PACS1: variants seen among roughly 807,000 people sequenced by gnomAD.
PACS1 encodes PACS-1.
Under a neutral mutation model 115.0 loss-of-function variants are expected in PACS1, and 24 were observed. That is an observed-to-expected ratio of 0.21 (90% CI 0.15 to 0.29). The LOEUF is 0.29. PACS1 is among the 10% of genes least tolerant of loss of function. PACS1 has a pLI of 1.00. For synonymous variants in PACS1, 453 were observed against 504.5 expected, an observed-to-expected ratio of 0.90 and a Z score of 1.37; for missense variants, 838 against 1,251.2, an observed-to-expected ratio of 0.67 and a Z score of 4.98.
At chr11:66,138,604 T>C (rs965643906) in intron 1 of PACS1, among the ~76,000 whole-genome samples, 4 of 152,166 alleles carry the variant, frequency 2.6e-5, no homozygotes, top group Non-Finnish European at 5.9e-5. Context: ...AGCCCTGATA[T>C]TGTGTTTCTT....
chr11:66,225,508 ATAT>A (rs1237940882), intron 10 of PACS1, among the ~76,000 whole-genome samples: 3 of 152,252 alleles, frequency 2.0e-5, no homozygotes, highest in Non-Finnish European at 4.4e-5. Context: ...CAAGTTAAAG[ATAT>A]TATCAGGAGA....
At chr11:66,185,266 T>G (rs1045071604) in intron 1 of PACS1, among the ~76,000 whole-genome samples, 4 of 152,230 alleles carry the variant, frequency 2.6e-5, no homozygotes, top group Non-Finnish European at 5.9e-5. Context: ...CTGTTACTAA[T>G]ATATTTTCAG....
chr11:66,138,084 G>GTTTATTTATTTATTTATTTA (rs56348908), intron 1 of PACS1, among the ~76,000 whole-genome samples: 42 of 149,404 alleles, frequency 2.8e-4, no homozygotes, highest in African/African-American at 9.9e-4. Context: ...ATTTTGCCCC[G>GTTTATTTATTTATTTATTTA]TTTATTTATT....
At chr11:66,084,452 A>G (rs1384716713) in intron 1 of PACS1, among the ~76,000 whole-genome samples, 1 of 152,154 alleles carries the variant, frequency 6.6e-6, no homozygotes, top group African/African-American at 2.4e-5. Context: ...CTTTTGAGCC[A>G]GCGAGGAGGC....
intron 1 of PACS1, among the ~76,000 whole-genome samples, chr11:66,176,858 C>T (rs1329043278): frequency 6.6e-6 from 1 of 152,160 alleles, no homozygotes; most frequent in African/African-American, 2.4e-5. Context: ...TCTGTGAAGC[C>T]TCCTCTTACT....
intron 1 of PACS1, among the ~76,000 whole-genome samples, chr11:66,188,442 G>A (rs138505779): frequency 1.3e-5 from 2 of 152,076 alleles, no homozygotes; most frequent in South Asian, 2.1e-4. Flanking sequence ...TGGTTTTCTC[G>A]AGTAACTGTA....
Position 66,144,848 on chromosome 11 carries a change from T to C in PACS1, c.357-48638T>C, listed in dbSNP as rs950420353. Among the ~76,000 whole-genome samples the C allele has an allele frequency of 1.2e-4, 18 of 152,212 alleles. 1 individual carries two copies. Among genetic ancestry groups the C allele is most frequent in the Admixed American group, 1.2e-3 (18 of 15,274 alleles). On this transcript the variant is annotated intron_variant, in intron 1 of 23. Coordinates refer to ENST00000320580, the MANE Select transcript of PACS1 (RefSeq NM_018026.4). ...TAGGGTTTCACCATGTTGGCCAGGC[T>C]GGTCTCGAACTCCTGACCTCAGGTG...
At chr11:66,150,891 C>CT (rs957858546) in intron 1 of PACS1, among the ~76,000 whole-genome samples, 4 of 152,128 alleles carry the variant, frequency 2.6e-5, no homozygotes, top group Admixed American at 2.6e-4. Context: ...AAGTTTGTGA[C>CT]TTTTTTGCCA....
Position 66,130,782 on chromosome 11 carries a change from A to G in PACS1, c.356+59940A>G, listed in dbSNP as rs1019733264. 4.6e-5 allele frequency among the ~76,000 whole-genome samples: 7 copies of G among 152,166 alleles called. No homozygotes were observed. In the South Asian group the frequency reaches 1.0e-3, roughly 23 times the overall value. ...ATTTGTTCTCCCTGTACCACAAACA[A>G]TGCTCTGTGGGTATAGTGGCTCACA... On this transcript the variant is annotated intron_variant, in intron 1 of 23. Transcript: ENST00000320580.
chr11:66,091,982 A>G (rs1021479049), intron 1 of PACS1, among the ~76,000 whole-genome samples: 6 of 152,240 alleles, frequency 3.9e-5, no homozygotes, highest in African/African-American at 1.4e-4. Flanking sequence ...CAATAAACAT[A>G]CGTGTGCATA....
chr11:66,152,341 A>G (rs930319595), intron 1 of PACS1, among the ~76,000 whole-genome samples: 1 of 152,222 alleles, frequency 6.6e-6, no homozygotes, highest in Non-Finnish European at 1.5e-5. Flanking sequence ...TGAAGAGAGG[A>G]GCAAAGATTG....
At chr11:66,167,943 C>A (rs1449438847) in intron 1 of PACS1, among the ~76,000 whole-genome samples, 2 of 150,354 alleles carry the variant, frequency 1.3e-5, no homozygotes, top group Non-Finnish European at 2.9e-5. Context: ...CACCTTGTTT[C>A]TTTTCTTCAG....
At chr11:66,126,197 A>C (rs1457350566) in intron 1 of PACS1, among the ~76,000 whole-genome samples, 2 of 152,164 alleles carry the variant, frequency 1.3e-5, no homozygotes, top group African/African-American at 4.8e-5. Flanking sequence ...TCATAGTTGT[A>C]TACAGTAATC....
At chr11:66,202,942 G>C (rs939096249) in intron 2 of PACS1, among the ~76,000 whole-genome samples, 50 of 151,560 alleles carry the variant, frequency 3.3e-4, no homozygotes, top group African/African-American at 1.2e-3. Flanking sequence ...TTTCCTTTAA[G>C]ATCTGGAACA....
rs141887045 is a variant in PACS1 at position 66,230,604 on chromosome 11, G to A, written c.1431G>A (p.Glu477=). 4.3e-6 allele frequency: 7 copies of A among 1,614,044 alleles called. No individual in the cohort carries two copies. In the African/African-American group the frequency reaches 6.7e-5, roughly 15 times the overall value. Reference sequence around the variant, plus strand: ...CCAGCACGAGTCTGGTTGTGCCGGAGAAAGTCAAAACTCCCATGAAGTCCA... The same window carrying A: ...CCAGCACGAGTCTGGTTGTGCCGGAAAAAGTCAAAACTCCCATGAAGTCCA... ...GDASTSLVVP[E]KVKTPMKSSK... is the part of the protein sequence containing the mutation. Residue 477 remains glutamate (E), a synonymous_variant, in exon 12 of 24, where the codon GAG becomes GAA. Transcript: ENST00000320580.
chr11:66,191,625 A>G (rs1406246532), intron 1 of PACS1, among the ~76,000 whole-genome samples: 3 of 152,250 alleles, frequency 2.0e-5, no homozygotes, highest in African/African-American at 7.2e-5. Flanking sequence ...GATATAGATG[A>G]AGAGACCTGA....
chr11:66,220,531 A>T, intron 8 of PACS1, 100 bp from the exon 9 acceptor site: 4 of 1,126,766 alleles, frequency 3.5e-6, no homozygotes, highest in Non-Finnish European at 3.9e-6. Context: ...CATGTCCCTT[A>T]AGCAGGACTA....
Position 66,216,236 on chromosome 11 carries a change from C to A in PACS1, c.778C>A (p.His260Asn). 2 of 1,614,082 alleles carry A rather than the reference C, an allele frequency of 1.2e-6. No individual in the cohort carries two copies. Residue 260 changes from histidine (H) to asparagine (N), a missense_variant, in exon 5 of 24, where the codon CAT (histidine) becomes AAT (asparagine). By Grantham distance (68) the His-to-Asn change is moderately conservative. Around this residue, in one of 6 missense-constraint regions of PACS1, gnomAD observed 223 missense variants for 354.0 expected, o/e 0.63. Coordinates refer to ENST00000320580, the MANE Select transcript of PACS1 (RefSeq NM_018026.4). The stretch of plus-strand genomic sequence containing the variant: ...CTCCCTGTCCAGCCAACCCATTGAC[C>A]ATGAAGGAATCAAATCCAAGCTTTC... Reference protein sequence around the residue: ...IYSLSSQPIDHEGIKSKLSDR... With the variant: ...IYSLSSQPIDNEGIKSKLSDR...
At chr11:66,153,335 C>G (rs1451326711) in intron 1 of PACS1, among the ~76,000 whole-genome samples, 1 of 152,158 alleles carries the variant, frequency 6.6e-6, no homozygotes. Context: ...TTATAACACT[C>G]TAGTGCTGGG....
Sources: allele counts gnomAD v4.1 joint callset (sites outside exome capture counted in the v4.1 genomes callset), GRCh38; gene constraint gnomAD v4.1.1; regional missense constraint gnomAD v4.1.1; transcripts MANE v1.5; gene names NCBI Gene and HGNC (gene_info 2026-07-23, HGNC 2026-07-21).